The following MTM1 variants were observed in gnomAD, a reference collection of about 807,000 sequenced individuals.
MTM1 encodes myotubularin 1.
MTM1 carries 9 observed loss-of-function variants against 52.1 expected under a neutral mutation model. The observed-to-expected ratio is 0.17, with a 90% CI of 0.10 to 0.30. MTM1 has a LOEUF of 0.30. Ranked by LOEUF, MTM1 falls within the 10% of genes least tolerant of loss-of-function variation. The pLI is 1.00. For missense variants in MTM1, 277 were observed against 470.7 expected (o/e 0.59, Z 3.81); for synonymous variants, 136 against 163.8 (o/e 0.83, Z 1.29).
At chrX:150,628,687 A>G (rs2039612262) in intron 6 of MTM1, among the ~76,000 whole-genome samples, 1 of 109,997 alleles carries the variant, frequency 9.1e-6, no homozygotes, top group Non-Finnish European at 1.9e-5. Flanking sequence ...TCAAATTTGA[A>G]CATTCGAAAT....
intron 4 of MTM1, among the ~76,000 whole-genome samples, chrX:150,610,672 G>T (rs2039260058): frequency 8.9e-6 from 1 of 111,847 alleles, no homozygotes; most frequent in Non-Finnish European, 1.9e-5. Context: ...CAGGGAGAAT[G>T]TAGCAAGTAA....
intron 4 of MTM1, among the ~76,000 whole-genome samples, chrX:150,606,455 C>T (rs1557412828): frequency 9.0e-6 from 1 of 111,539 alleles, no homozygotes; most frequent in Non-Finnish European, 1.9e-5. Flanking sequence ...AGGGTCTCAT[C>T]GCTGCTTTGG....
chrX:150,634,755 G>A (rs782673760), intron 6 of MTM1, among the ~76,000 whole-genome samples: 3 of 111,999 alleles, frequency 2.7e-5, no homozygotes, highest in Admixed American at 1.9e-4. Context: ...GGCCATTTGA[G>A]AGTATCTTCT....
intron 1 of MTM1, among the ~76,000 whole-genome samples, chrX:150,584,694 C>T (rs1229225711): frequency 1.4e-4 from 16 of 110,924 alleles, no homozygotes; most frequent in African/African-American, 5.3e-4. Context: ...TACAATCGTC[C>T]CTTGGTATTT....
intron 14 of MTM1, among the ~76,000 whole-genome samples, chrX:150,668,719 A>T (rs1399391953): frequency 9.6e-6 from 1 of 104,276 alleles, no homozygotes; most frequent in Non-Finnish European, 2.0e-5. Context: ...CTGTCTCTTT[A>T]AAAAAAAAAC....
chrX:150,586,355 G>A (rs1368779182), intron 1 of MTM1, among the ~76,000 whole-genome samples: 2 of 110,989 alleles, frequency 1.8e-5, no homozygotes, highest in Non-Finnish European at 1.9e-5. Flanking sequence ...AGATATCTGA[G>A]CCTGAATAGA....
chrX:150,635,688 T>C (rs2039743475), intron 6 of MTM1, among the ~76,000 whole-genome samples: 1 of 112,014 alleles, frequency 8.9e-6, no homozygotes, highest in African/African-American at 3.2e-5. Context: ...ATTCTCTTAA[T>C]CTTTAAGAAA....
At chrX:150,585,180 C>G (rs1253984560) in intron 1 of MTM1, among the ~76,000 whole-genome samples, 2 of 111,298 alleles carry the variant, frequency 1.8e-5, no homozygotes, top group Non-Finnish European at 3.8e-5. Context: ...CATATGCCAA[C>G]GAAGCCCCTG....
chrX:150,652,606 TATATATATAC>T (rs1239021769), intron 10 of MTM1, among the ~76,000 whole-genome samples: 45 of 97,216 alleles, frequency 4.6e-4, no homozygotes, highest in South Asian at 1.0e-3. Flanking sequence ...TATATATACA[TATATATATAC>T]ATATATATAC....
At chrX:150,669,567 G>A (rs2040362882) in intron 14 of MTM1, among the ~76,000 whole-genome samples, 1 of 111,579 alleles carries the variant, frequency 9.0e-6, no homozygotes, top group African/African-American at 3.3e-5. Context: ...CATTCTGACT[G>A]GCATGAGATG....
chrX:150,580,319 A>C (rs781854763), intron 1 of MTM1, among the ~76,000 whole-genome samples: 1 of 112,066 alleles, frequency 8.9e-6, no homozygotes, highest in Non-Finnish European at 1.9e-5. Flanking sequence ...ACCACTACCC[A>C]GCTTTTCCTC....
chrX:150,607,335 CACTGAT>C (rs1446878795), intron 4 of MTM1, among the ~76,000 whole-genome samples: 2 of 111,151 alleles, frequency 1.8e-5, no homozygotes, highest in Non-Finnish European at 3.8e-5. Context: ...TTCCTGCTAC[CACTGAT>C]ACTATCATCC....
chrX:150,566,293 G>A (rs1456082288), upstream of MTM1, among the ~76,000 whole-genome samples: 1 of 110,937 alleles, frequency 9.0e-6, no homozygotes, highest in East Asian at 2.8e-4. Context: ...CCACCACCAC[G>A]CCTGGCTAAT....
chrX:150,615,451 T>G (rs2039366003), intron 5 of MTM1, among the ~76,000 whole-genome samples: 2 of 104,219 alleles, frequency 1.9e-5, no homozygotes, highest in Non-Finnish European at 3.9e-5. Context: ...TGTATTCTTC[T>G]CTGTGTGTTG....
intron 1 of MTM1, among the ~76,000 whole-genome samples, chrX:150,585,267 A>G (rs2038766053): frequency 9.0e-6 from 1 of 111,525 alleles, no homozygotes; most frequent in African/African-American, 3.3e-5. Flanking sequence ...TCCTCTCTTC[A>G]GTTTTCTAGA....
At chrX:150,659,567 G>A (rs924463057) in intron 11 of MTM1, 97 bp from the exon 12 acceptor site, 8 of 670,608 alleles carry the variant, frequency 1.2e-5, no homozygotes, top group Non-Finnish European at 1.9e-5. Flanking sequence ...GCATTTAGAA[G>A]GCACATTGCT....
chrX:150,586,320 A>G (rs1557412251), intron 1 of MTM1, among the ~76,000 whole-genome samples: 1 of 111,422 alleles, frequency 9.0e-6, no homozygotes, highest in Non-Finnish European at 1.9e-5. Context: ...TGGAGTAAAT[A>G]TAGTTAGATT....
intron 1 of MTM1, among the ~76,000 whole-genome samples, chrX:150,582,107 T>C (rs1283857837): frequency 9.0e-6 from 1 of 111,669 alleles, no homozygotes; most frequent in Non-Finnish European, 1.9e-5. Context: ...CTTGAAGACA[T>C]ATCTCAAATT....
chrX:150,591,938 A>G (rs902508290), intron 1 of MTM1, among the ~76,000 whole-genome samples: 1 of 112,874 alleles, frequency 8.9e-6, no homozygotes, highest in African/African-American at 3.2e-5. Context: ...TTGTTGCTGT[A>G]ATCTTCTTAA....
Sources: gnomAD v4.1 joint callset for allele counts (sites outside exome capture counted in the v4.1 genomes callset) on GRCh38, gnomAD v4.1.1 for gene constraint, MANE v1.5 for transcripts, NCBI Gene and HGNC (gene_info 2026-07-23, HGNC 2026-07-21) for gene names.